Variants in PYCR1 observed in about 807,000 individuals in gnomAD.
PYCR1 encodes pyrroline-5-carboxylate reductase 1, also known as pyrroline-5-carboxylate reductase 1, mitochondrial.
Under a neutral mutation model 22.9 loss-of-function variants are expected in PYCR1, and 19 were observed. The observed-to-expected ratio is 0.83, with a 90% CI of 0.58 to 1.22. PYCR1 has a LOEUF of 1.22. Ranked by LOEUF, PYCR1 falls within the 50% of genes most tolerant of loss-of-function variation. The pLI, the probability that PYCR1 is intolerant of heterozygous loss-of-function variation, is 0.00. For missense variants in PYCR1, 429 were observed against 431.3 expected, an observed-to-expected ratio of 0.99 and a Z score of 0.05; for synonymous variants, 175 against 180.5, an observed-to-expected ratio of 0.97 and a Z score of 0.24.
rs756020961 is a variant in PYCR1, at chr17:81,933,390, G to A, written c.798-14C>T. On this transcript the variant is annotated splice_polypyrimidine_tract_variant and intron_variant, in intron 6 of 6. Transcript: ENST00000329875. ...GACTGCAGCTCCCTAGAGAGGCAGGGAGAGGTTGGCTTTGGAGCACAAGCG... is the reference window on the plus strand; with the variant it reads ...GACTGCAGCTCCCTAGAGAGGCAGGAAGAGGTTGGCTTTGGAGCACAAGCG... 3 of 1,613,310 alleles carry A rather than the reference G, an allele frequency of 1.9e-6. No homozygotes were observed. Among genetic ancestry groups the A allele is most frequent in the Non-Finnish European group, 2.5e-6 (3 of 1,179,902 alleles).
At position 81,935,328 on chromosome 17, in the gene PYCR1, C is replaced by A. The variant is rs369720296; in HGVS notation, c.318+9G>T. ...CCCTCTCCACACCCCACTGGGCCTG[C>A]GGTGCTACCTTCTCAATGGAGCTGA... On this transcript the variant is annotated intron_variant, in intron 3 of 6. Coordinates refer to ENST00000329875, the MANE Select transcript of PYCR1 (RefSeq NM_006907.4). The A allele has an allele frequency of 7.4e-5, 119 of 1,611,252 alleles. No individual in the cohort carries two copies. The highest frequency in any genetic ancestry group is 9.7e-5 in the Non-Finnish European group (114 of 1,179,970).
chr17:81,933,016 C>T lies in PYCR1; in HGVS notation c.*198G>A. On this transcript the variant is annotated 3_prime_UTR_variant, in exon 7 of 7. Coordinates refer to ENST00000329875, the MANE Select transcript of PYCR1 (RefSeq NM_006907.4). ...AGGAGGTTGAGGTTGGGGAATCCAC[C>T]CCTGTTCTGGGCTGGGAAGCACTTG... 3 of 1,587,320 alleles carry T rather than the reference C, an allele frequency of 1.9e-6. No individual in the cohort carries two copies. Among genetic ancestry groups the T allele is most frequent in the Non-Finnish European group, 2.6e-6 (3 of 1,169,142 alleles).
At chr17:81,935,931 C>T (rs911948164) in intron 2 of PYCR1, among the ~76,000 whole-genome samples, 192 bp downstream of exon 2, 1 of 152,200 alleles carries the variant, frequency 6.6e-6, no homozygotes, top group African/African-American at 2.4e-5. Flanking sequence ...AGAACAACAC[C>T]CTCCTATCAG....
chr17:81,936,021 G>GC (rs2041178124), intron 2 of PYCR1, 102 bp downstream of exon 2: 7 of 1,345,324 alleles, frequency 5.2e-6, no homozygotes, highest in Admixed American at 1.7e-5. Context: ...CCAGCCCAGG[G>GC]CCCCTGCCCT....
At position 81,933,310 on chromosome 17, in the gene PYCR1, G is replaced by C. The variant is rs779964744; in HGVS notation, c.864C>G (p.Asp288Glu). Residue 288 changes from aspartate to glutamate, a missense_variant, in exon 7 of 7, where the codon GAC becomes GAG. Transcript: ENST00000329875. ...SPAAIKKTIL[D>E]KVKLDSPAGT... ...CTGCAGGGGAGTCCAGCTTCACCTT[G>C]TCCAGGATGGTCTTCTTGATGGCGG... The C allele has an allele frequency of 5.6e-6, 9 of 1,613,918 alleles. No homozygotes were observed. Among genetic ancestry groups the C allele is most frequent in the Admixed American group, 5.0e-5 (3 of 60,008 alleles).
In PYCR1 at chr17:81,932,894, G is replaced by A. The variant is rs551488404; in HGVS notation, c.*320C>T. On this transcript the variant is annotated 3_prime_UTR_variant, in exon 7 of 7. Transcript: ENST00000329875. ...GACCTTTGCTCTCAGGAAGGAGCCCGTGCCAGCTGATACTGGAGTAGGAGT... is the reference window on the plus strand; with the variant it reads ...GACCTTTGCTCTCAGGAAGGAGCCCATGCCAGCTGATACTGGAGTAGGAGT... 35 of 1,610,242 alleles carry A rather than the reference G, an allele frequency of 2.2e-5. No individual in the cohort carries two copies. The South Asian group carries it at 2.7e-4, about 12-fold the overall frequency.
Position 81,934,445 on chromosome 17 carries a change from C to G in PYCR1, c.678G>C (p.Gln226His). ...MLLHSEQHPG[Q>H]LKDNVSSPGG... ...CAGGAGAGCTGACGTTGTCCTTGAG[C>G]TGGCCTGGGTGCTGTTCTGAGTGCA... Residue 226 changes from glutamine (Q) to histidine (H), a missense_variant, in exon 6 of 7, where the codon CAG becomes CAC. By Grantham distance (24) the Gln-to-His change is conservative (BLOSUM62 0). Transcript: ENST00000329875. 6.2e-7 allele frequency: 1 copy of G among 1,610,142 alleles called. No homozygotes were observed. Among genetic ancestry groups the G allele is most frequent in the East Asian group, 2.2e-5 (1 of 44,798 alleles).
intron 5 of PYCR1, 42 bp downstream of exon 5, chr17:81,934,611 C>T (rs554574669): frequency 2.9e-5 from 45 of 1,550,394 alleles, no homozygotes; most frequent in Admixed American, 5.9e-5. Context: ...CCCAGGGCCC[C>T]GCAAAGAGTG....
In PYCR1 at chr17:81,937,002, T is replaced by A. The variant is rs1598358820; in HGVS notation, c.-188A>T. On this transcript the variant is annotated 5_prime_UTR_variant, in exon 1 of 7. Transcript: ENST00000329875. Reference sequence around the variant, plus strand: ...TTTGCTGTCCGGCCCGTTAACTGCTTCGGGGCCCCCAGTCAGAGCGGCGGT... The same window carrying A: ...TTTGCTGTCCGGCCCGTTAACTGCTACGGGGCCCCCAGTCAGAGCGGCGGT... 1.2e-5 allele frequency: 17 copies of A among 1,468,252 alleles called. No individual in the cohort carries two copies. In the East Asian group the frequency reaches 4.2e-4, roughly 37 times the overall value. The allele number at this position is 1,468,252 out of a possible 1,614,324, so 91.0% of individuals were successfully genotyped here.
Position 81,937,044 on chromosome 17 carries a change from A to G in PYCR1, c.-230T>C, listed in dbSNP as rs944515240. 2 of 1,450,198 alleles carry G rather than the reference A, an allele frequency of 1.4e-6. No homozygotes were observed. Among genetic ancestry groups the G allele is most frequent in the Admixed American group, 2.5e-5 (1 of 39,986 alleles). 89.8% of individuals were successfully genotyped at this position (1,450,198 alleles called of 1,614,324 possible). ...AGCGGCGGTGCCTGGCCTGCTGCCTAGGGTCCCGCACCCACTGGAGGGGTG... is the reference window on the plus strand; with the variant it reads ...AGCGGCGGTGCCTGGCCTGCTGCCTGGGGTCCCGCACCCACTGGAGGGGTG... On this transcript the variant is annotated 5_prime_UTR_variant, in exon 1 of 7. Transcript: ENST00000329875.
chr17:81,936,647 G>C, intron 1 of PYCR1, 101 bp downstream of exon 1: 3 of 1,319,230 alleles, frequency 2.3e-6, no homozygotes, highest in Non-Finnish European at 3.2e-6. Flanking sequence ...CAGGACTCAG[G>C]CCTTGTGACC....
intron 6 of PYCR1, chr17:81,934,117 TG>T: frequency 1.4e-6 from 1 of 697,068 alleles, no homozygotes; most frequent in Non-Finnish European, 2.5e-6. Context: ...GGTCCCTCTA[TG>T]GATGTTCCCT....
In PYCR1 at chr17:81,932,585, G is replaced by A; in HGVS notation, c.*629C>T. 1 of 458,472 alleles carries A rather than the reference G, an allele frequency of 2.2e-6. No individual in the cohort carries two copies. Among genetic ancestry groups the A allele is most frequent in the South Asian group, 2.1e-5 (1 of 48,180 alleles). 28.4% of individuals were successfully genotyped at this position (458,472 alleles called of 1,614,324 possible). ...GAAACCAACTTATAAAACTGAAAGGGCCAGGACAGAACTGATAGCACCCTC... is the reference window on the plus strand; with the variant it reads ...GAAACCAACTTATAAAACTGAAAGGACCAGGACAGAACTGATAGCACCCTC... On this transcript the variant is annotated 3_prime_UTR_variant, in exon 7 of 7. Coordinates refer to ENST00000329875, the MANE Select transcript of PYCR1 (RefSeq NM_006907.4).
intron 4 of PYCR1, 87 bp downstream of exon 4, chr17:81,934,839 C>T (rs1224853162): frequency 4.5e-6 from 7 of 1,555,970 alleles, no homozygotes; most frequent in Admixed American, 3.7e-5. Flanking sequence ...AGCCCTCCAC[C>T]CTGGCCCTCC....
intron 1 of PYCR1, 93 bp from the exon 2 acceptor site, chr17:81,936,286 C>T (rs1199489510): frequency 3.1e-5 from 39 of 1,266,214 alleles, no homozygotes; most frequent in Non-Finnish European, 4.1e-5. Context: ...AGTGCAGTGG[C>T]GCAATCTCGG....
At position 81,937,210 on chromosome 17, in the gene PYCR1, C is replaced by T. The variant is rs1197256814; in HGVS notation, c.-396G>A. 2 of 1,479,346 alleles carry T rather than the reference C, an allele frequency of 1.4e-6. No homozygotes were observed. The highest frequency in any genetic ancestry group is 2.0e-4 in the Middle Eastern group (1 of 5,074). The allele number at this position is 1,479,346 out of a possible 1,614,324, so 91.6% of individuals were successfully genotyped here. A position where few individuals can be genotyped will look rare whatever the true frequency, so the allele number is the denominator to read the frequency against. ...CGCCCCACCCGGCGACCGCCGCCCA[C>T]CATTCCCGGAGCCCGACCCCAACCC... On this transcript the variant is annotated 5_prime_UTR_variant, in exon 1 of 7. The change creates a new upstream start codon in the 5' untranslated region. Transcript: ENST00000329875.
chr17:81,935,393 C>T lies in PYCR1; in HGVS notation c.262G>A (p.Asp88Asn). ...GCGCAGGACACCACAATGTGTCTGT[C>T]CTCAATGTCGGCGCCTATTTCATCC... Reference protein sequence around the residue: ...ILDEIGADIEDRHIVVSCAAG... With the variant: ...ILDEIGADIENRHIVVSCAAG... Residue 88 changes from aspartate to asparagine, a missense_variant, in exon 3 of 7, where the codon GAC becomes AAC. Asp to Asn is a conservative substitution (Grantham distance 23). Transcript: ENST00000329875. 2 of 1,613,588 alleles carry T rather than the reference C, an allele frequency of 1.2e-6. No homozygotes were observed. Among genetic ancestry groups the T allele is most frequent in the Non-Finnish European group, 1.7e-6 (2 of 1,180,006 alleles).
At chr17:81,934,872 G>A (rs1567923926) in intron 4 of PYCR1, 54 bp downstream of exon 4, 1 of 1,589,780 alleles carries the variant, frequency 6.3e-7, no homozygotes, top group Non-Finnish European at 8.6e-7. Flanking sequence ...GGACAGATGT[G>A]CCCGGTGGTC....
intron 2 of PYCR1, 151 bp downstream of exon 2, chr17:81,935,972 G>A (rs934092388): frequency 6.2e-6 from 5 of 806,388 alleles, no homozygotes; most frequent in Middle Eastern, 2.4e-4. Context: ...CAGGTCCCAA[G>A]AGCAATCAGC....
Sources: allele counts gnomAD v4.1 joint callset (sites outside exome capture counted in the v4.1 genomes callset), GRCh38; gene constraint gnomAD v4.1.1; transcripts MANE v1.5; gene names NCBI Gene and HGNC (gene_info 2026-07-23, HGNC 2026-07-21).